The following PCDHA10 variants were observed in gnomAD, a reference collection of about 807,000 sequenced individuals.
PCDHA10 encodes the protein protocadherin alpha-10.
A neutral mutation model predicts 61.2 loss-of-function variants in PCDHA10; 45 were observed. That is an observed-to-expected ratio of 0.74 (90% CI 0.58 to 0.94). The LOEUF (loss-of-function observed/expected upper bound fraction) is 0.94, where lower values mean the gene tolerates loss of function less well. Ranked by LOEUF, PCDHA10 falls within the 40% of genes least tolerant of loss-of-function variation. The probability of loss-of-function intolerance (pLI) is 0.00; values close to 1 mark genes in which losing one functional copy is unlikely to be tolerated. For missense variants in PCDHA10, 1,278 were observed against 1,236.2 expected (o/e 1.03, Z -0.51); for synonymous variants, 602 against 548.8 (o/e 1.10, Z -1.35).
chr5:140,965,216 A>G (rs2095880887), intron 1 of PCDHA10, among the ~76,000 whole-genome samples: 1 of 152,224 alleles, frequency 6.6e-6, no homozygotes, highest in Non-Finnish European at 1.5e-5. Context: ...TTCCTGTGGA[A>G]GAAATGTGAG....
intron 1 of PCDHA10, chr5:140,966,926 C>G (rs782811757): frequency 1.9e-6 from 3 of 1,603,462 alleles, no homozygotes; most frequent in Admixed American, 1.7e-5. Flanking sequence ...GGAGCAGGCA[C>G]CCGGCGCGCT....
rs1281739668 is a variant in PCDHA10, at chr5:140,966,815, C to T, written c.2389-12134C>T. On this transcript the variant is annotated intron_variant, in intron 1 of 3. Transcript: ENST00000307360. The stretch of plus-strand genomic sequence containing the variant: ...TGCGGCGACAGAGCATCCACGGCTC[C>T]GGCGGCCCATGCCCTGGCTGCTGCT... 1.9e-6 allele frequency: 3 copies of T among 1,552,884 alleles called. No individual in the cohort carries two copies. The highest frequency in any genetic ancestry group is 1.7e-6 in the Non-Finnish European group (2 of 1,153,182).
intron 1 of PCDHA10, among the ~76,000 whole-genome samples, chr5:140,897,090 C>G (rs1420408825): frequency 6.6e-6 from 1 of 151,950 alleles, no homozygotes; most frequent in Non-Finnish European, 1.5e-5. Context: ...ATTTTTTATC[C>G]TCATTAAAAA....
intron 1 of PCDHA10, among the ~76,000 whole-genome samples, chr5:140,908,375 G>C (rs922545563): frequency 6.6e-6 from 1 of 152,174 alleles, no homozygotes; most frequent in Non-Finnish European, 1.5e-5. Context: ...TTCAGGACCT[G>C]CTCGAGCCCG....
At chr5:140,971,884 C>A (rs1216931622) in intron 1 of PCDHA10, among the ~76,000 whole-genome samples, 1 of 151,602 alleles carries the variant, frequency 6.6e-6, no homozygotes, top group Admixed American at 6.6e-5. Flanking sequence ...AGGAAATAAG[C>A]TCAGGGAGGT....
At chr5:140,876,394 C>T in intron 1 of PCDHA10, 1 of 1,613,826 alleles carries the variant, frequency 6.2e-7, no homozygotes, top group Non-Finnish European at 8.5e-7. Flanking sequence ...TTATGGTGAA[C>T]TGGATTTTGA....
chr5:140,871,329 C>T (rs1164407502), intron 1 of PCDHA10: 3 of 1,614,060 alleles, frequency 1.9e-6, no homozygotes, highest in African/African-American at 2.7e-5. Flanking sequence ...TGTGCTCCCG[C>T]GCGGTGGGGA....
At chr5:140,966,794 G>T in intron 1 of PCDHA10, 1 of 1,533,558 alleles carries the variant, frequency 6.5e-7, no homozygotes. Context: ...CAGACCTGCG[G>T]CGACAGAGCA....
At chr5:140,931,884 T>A (rs1554208638) in intron 1 of PCDHA10, among the ~76,000 whole-genome samples, 1 of 151,972 alleles carries the variant, frequency 6.6e-6, no homozygotes, top group Non-Finnish European at 1.5e-5. Flanking sequence ...ATTGCTTTCA[T>A]TTTATTTCAA....
intron 1 of PCDHA10, chr5:140,860,225 A>ATATATAT (rs2046281831): frequency 6.6e-6 from 1 of 151,528 alleles, no homozygotes. Context: ...ATGTATATAT[A>ATATATAT]AGCCAGGCAT....
At chr5:140,902,611 A>G (rs924512539) in intron 1 of PCDHA10, among the ~76,000 whole-genome samples, 1 of 151,996 alleles carries the variant, frequency 6.6e-6, no homozygotes, top group East Asian at 1.9e-4. Flanking sequence ...TTTCAGTTAC[A>G]TGGGTAAGTT....
chr5:140,999,265 A>G (rs1554256725), intron 3 of PCDHA10, among the ~76,000 whole-genome samples: 1 of 152,226 alleles, frequency 6.6e-6, no homozygotes, highest in African/African-American at 2.4e-5. Flanking sequence ...GTAAAGGAAT[A>G]CTGCATAGTA....
In PCDHA10 at chr5:141,011,437, GA is replaced by G. The variant is rs1196462702; in HGVS notation, c.*1501del. The G allele has an allele frequency of 2.6e-5, 4 of 153,726 alleles. No homozygotes were observed. Among genetic ancestry groups the G allele is most frequent in the African/African-American group, 9.7e-5 (4 of 41,440 alleles). 9.5% of individuals were successfully genotyped at this position (153,726 alleles called of 1,614,324 possible). ...TGAATGTTAATGCAACTATTACCTA[GA>G]GTGAACTTTAAGCTTTATTGTTGAA... is the stretch of plus-strand genomic sequence containing the variant. On this transcript the variant is annotated 3_prime_UTR_variant, in exon 4 of 4. Transcript: ENST00000307360.
Position 140,881,317 on chromosome 5 carries a change from T to A in PCDHA10, c.2388+22881T>A, listed in dbSNP as rs2058663628. On this transcript the variant is annotated intron_variant, in intron 1 of 3. Coordinates refer to ENST00000307360, the MANE Select transcript of PCDHA10 (RefSeq NM_018901.4). ...GGAAACTTTAACCTCCTGGTTAAAT[T>A]CTATTTAACCAGGACGCCGATTCGG... 8.2e-6 allele frequency: 8 copies of A among 977,378 alleles called. No individual in the cohort carries two copies. The Admixed American group carries it at 4.9e-4, about 60-fold the overall frequency. The allele number at this position is 977,378 out of a possible 1,614,324, so 60.5% of individuals were successfully genotyped here.
rs1432649344 is a variant in PCDHA10, at chr5:140,870,194, C to T, written c.2388+11758C>T. ...CTCCCAGTACGAGAGGACGCTCAGC[C>T]CAGCACGGTCATTGCCCTGATCAGC... On this transcript the variant is annotated intron_variant, in intron 1 of 3. Transcript: ENST00000307360. 5.0e-6 allele frequency: 8 copies of T among 1,614,050 alleles called. No homozygotes were observed. Among genetic ancestry groups the T allele is most frequent in the Non-Finnish European group, 5.9e-6 (7 of 1,180,054 alleles).
At chr5:140,913,759 G>A (rs782668286) in intron 1 of PCDHA10, among the ~76,000 whole-genome samples, 1 of 151,994 alleles carries the variant, frequency 6.6e-6, no homozygotes, top group African/African-American at 2.4e-5. Context: ...GTATCTCATA[G>A]GTTTTGGCAT....
Position 140,971,633 on chromosome 5 carries a change from T to A in PCDHA10, c.2389-7316T>A, listed in dbSNP as rs540754440. 2.0e-5 allele frequency among the ~76,000 whole-genome samples: 3 copies of A among 152,294 alleles called. No individual in the cohort carries two copies. The South Asian group carries it at 6.2e-4, about 32-fold the overall frequency. On this transcript the variant is annotated intron_variant, in intron 1 of 3. Transcript: ENST00000307360. ...GAGTCCTGGGGTACAATTAGTACCA[T>A]GTGCCTACATTAAAAGTAGATGGGA...
rs528377796 is a variant in PCDHA10, at chr5:140,957,777, T to G, written c.2389-21172T>G. The stretch of plus-strand genomic sequence containing the variant: ...TTCATTATATATGTTAAGTAAAAAC[T>G]AAGTTCATCATATATGTTAAGTAAA... On this transcript the variant is annotated intron_variant, in intron 1 of 3. Coordinates refer to ENST00000307360, the MANE Select transcript of PCDHA10 (RefSeq NM_018901.4). 8.5e-5 allele frequency among the ~76,000 whole-genome samples: 13 copies of G among 152,182 alleles called. No individual in the cohort carries two copies. The South Asian group carries it at 1.7e-3, about 19-fold the overall frequency.
chr5:140,893,693 T>G (rs868968555), intron 1 of PCDHA10, among the ~76,000 whole-genome samples: 43 of 152,366 alleles, frequency 2.8e-4, no homozygotes, highest in Middle Eastern at 3.4e-3. Context: ...CATCTCATTC[T>G]ATCCTAGCCT....
Sources: allele counts gnomAD v4.1 joint callset (sites outside exome capture counted in the v4.1 genomes callset), GRCh38; gene constraint gnomAD v4.1.1; transcripts MANE v1.5; gene names NCBI Gene and HGNC (gene_info 2026-07-23, HGNC 2026-07-21).